The following PITPNC1 variants were observed in gnomAD, a reference collection of about 807,000 sequenced individuals.
PITPNC1 encodes cytoplasmic phosphatidylinositol transfer protein 1.
PITPNC1 carries 18 observed loss-of-function variants against 44.7 expected under a neutral mutation model. That is an observed-to-expected ratio of 0.40 (90% CI 0.28 to 0.60). PITPNC1 has a LOEUF of 0.60. Among genes scored for constraint, PITPNC1 ranks in the 20% least tolerant of loss-of-function variants. The pLI is 0.39. For missense variants in PITPNC1, 290 were observed against 418.4 expected (o/e 0.69, Z 2.68); for synonymous variants, 141 against 149.6 (o/e 0.94, Z 0.42).
chr17:67,550,668 A>G (rs2040748766), intron 2 of PITPNC1, among the ~76,000 whole-genome samples: 1 of 152,108 alleles, frequency 6.6e-6, no homozygotes, highest in Non-Finnish European at 1.5e-5. Flanking sequence ...ACTGCTAGGC[A>G]TGAGTGGCCC....
chr17:67,470,588 G>C (rs1341722776), intron 1 of PITPNC1, among the ~76,000 whole-genome samples: 1 of 151,840 alleles, frequency 6.6e-6, no homozygotes, highest in Non-Finnish European at 1.5e-5. Context: ...GGGGGGGTCA[G>C]CCCCCCTGCC....
chr17:67,516,502 G>T (rs539500606), intron 1 of PITPNC1, among the ~76,000 whole-genome samples: 3 of 152,266 alleles, frequency 2.0e-5, no homozygotes, highest in African/African-American at 7.2e-5. Context: ...GGCTCTGTAT[G>T]GCAGCTTTTA....
intron 1 of PITPNC1, among the ~76,000 whole-genome samples, chr17:67,388,300 T>TA (rs945326407): frequency 6.6e-6 from 1 of 151,706 alleles, no homozygotes; most frequent in Non-Finnish European, 1.5e-5. Context: ...GAGGAGTATG[T>TA]ATATTAGTTT....
chr17:67,452,100 G>C (rs1034982170), intron 1 of PITPNC1, among the ~76,000 whole-genome samples: 14 of 151,796 alleles, frequency 9.2e-5, no homozygotes, highest in African/African-American at 3.1e-4. Context: ...CACCTCCTGG[G>C]CTCAAGTGAT....
chr17:67,620,651 C>T (rs1306853841), intron 5 of PITPNC1, among the ~76,000 whole-genome samples: 3 of 152,114 alleles, frequency 2.0e-5, no homozygotes, highest in Admixed American at 1.3e-4. Flanking sequence ...TTCCCCTCTG[C>T]GCCAAAGGCC....
intron 8 of PITPNC1, among the ~76,000 whole-genome samples, chr17:67,687,712 C>T (rs908054757): frequency 6.6e-6 from 1 of 152,138 alleles, no homozygotes; most frequent in African/African-American, 2.4e-5. Flanking sequence ...TGTGCAGACA[C>T]ACAGGCTGAG....
In PITPNC1 at chr17:67,692,792, AG is replaced by A; in HGVS notation, c.904del (p.Glu302LysfsTer14). On this transcript the variant is annotated frameshift_variant, in exon 9 of 9. Transcript: ENST00000581322. LOFTEE classifies it high-confidence loss of function. ...KDRPRKKSAP[E>X]TLTLPDPEKK... ...ATCGGCCCCGGAAAAAGTCTGCCCC[AG>A]AAACTCTCACACTTCCAGACCCTGA... 1 of 1,613,806 alleles carries A rather than the reference AG, an allele frequency of 6.2e-7. No homozygotes were observed. Among genetic ancestry groups the A allele is most frequent in the Non-Finnish European group, 8.5e-7 (1 of 1,179,746 alleles).
chr17:67,609,553 G>A (rs1330682228), intron 5 of PITPNC1, among the ~76,000 whole-genome samples: 1 of 151,980 alleles, frequency 6.6e-6, no homozygotes, highest in East Asian at 1.9e-4. Flanking sequence ...GACTCCCAAA[G>A]TCCTGGGTTT....
chr17:67,381,457 T>C (rs985914819), intron 1 of PITPNC1, among the ~76,000 whole-genome samples: 2 of 149,978 alleles, frequency 1.3e-5, no homozygotes, highest in Non-Finnish European at 3.0e-5. Context: ...TTCTGGAACT[T>C]GTTTCTCTCT....
chr17:67,414,439 A>AC (rs759035757), intron 1 of PITPNC1, among the ~76,000 whole-genome samples: 15 of 149,806 alleles, frequency 1.0e-4, no homozygotes, highest in East Asian at 2.0e-4. Flanking sequence ...AAAAAGCCCC[A>AC]CCCCCCCATA....
chr17:67,558,579 C>T (rs139921456), intron 4 of PITPNC1, among the ~76,000 whole-genome samples: 20 of 151,980 alleles, frequency 1.3e-4, no homozygotes, highest in African/African-American at 4.6e-4. Flanking sequence ...AATTTGAAAA[C>T]TTAAGTTACA....
chr17:67,591,897 A>G (rs549923462), intron 5 of PITPNC1, among the ~76,000 whole-genome samples: 6 of 149,048 alleles, frequency 4.0e-5, no homozygotes, highest in Admixed American at 6.7e-5. Flanking sequence ...TTTTTTGTAG[A>G]GATGGGCATC....
chr17:67,584,800 G>C (rs149360528), intron 5 of PITPNC1, among the ~76,000 whole-genome samples: 1 of 152,128 alleles, frequency 6.6e-6, no homozygotes, highest in Non-Finnish European at 1.5e-5. Context: ...GAGAAGGATC[G>C]GGGATACAGC....
intron 2 of PITPNC1, among the ~76,000 whole-genome samples, chr17:67,542,154 C>A (rs540937486): frequency 3.4e-4 from 52 of 152,242 alleles, no homozygotes; most frequent in Admixed American, 6.5e-4. Context: ...ACCAATGAGG[C>A]ACAAGAAAAG....
intron 8 of PITPNC1, among the ~76,000 whole-genome samples, chr17:67,688,447 T>C (rs2144468767): frequency 6.6e-6 from 1 of 152,152 alleles, no homozygotes; most frequent in East Asian, 1.9e-4. Context: ...TGGAAATTTT[T>C]AGTTAAATTT....
intron 1 of PITPNC1, among the ~76,000 whole-genome samples, chr17:67,420,941 CT>C (rs1476494876): frequency 2.6e-5 from 4 of 152,110 alleles, no homozygotes; most frequent in Non-Finnish European, 4.4e-5. Context: ...CACTATGAAG[CT>C]ACTTAGAATT....
chr17:67,658,536 C>T (rs1478663810), intron 6 of PITPNC1, among the ~76,000 whole-genome samples: 5 of 152,162 alleles, frequency 3.3e-5, no homozygotes, highest in East Asian at 3.8e-4. Flanking sequence ...GCTTGCCTTT[C>T]GCATAATAAA....
chr17:67,683,886 G>A (rs191513064), intron 8 of PITPNC1, among the ~76,000 whole-genome samples: 1,907 of 151,176 alleles, frequency 0.013, 20 homozygotes, highest in Middle Eastern at 0.024. Context: ...GCTGAGGCGG[G>A]AGAATCACTT....
Position 67,495,040 on chromosome 17 carries a change from GTTTTTTTTTTTGTTTTTTT to G in PITPNC1, c.49-37750_49-37732del, listed in dbSNP as rs1447727348. On this transcript the variant is annotated intron_variant, in intron 1 of 8. Coordinates refer to ENST00000581322, the MANE Select transcript of PITPNC1 (RefSeq NM_012417.4). ...TTTGGCAATATTGAGCCATGGAGTT[GTTTTTTTTTTTGTTTTTTT>G]TTTTTTTTTTTTTTTGAGACGGAGT... Among the ~76,000 whole-genome samples the G allele has an allele frequency of 9.3e-4, 60 of 64,724 alleles. 1 individual carries two copies. Among genetic ancestry groups the G allele is most frequent in the Middle Eastern group, 0.014 (1 of 74 alleles). The allele number at this position is 64,724 out of a possible 152,430, so 42.5% of individuals were successfully genotyped here.
Sources: allele counts gnomAD v4.1 joint callset (sites outside exome capture counted in the v4.1 genomes callset), GRCh38; gene constraint gnomAD v4.1.1; transcripts MANE v1.5; gene names NCBI Gene and HGNC (gene_info 2026-07-23, HGNC 2026-07-21).